Variants in NCAM2 observed in about 807,000 individuals in gnomAD.
The protein encoded by NCAM2 is neural cell adhesion molecule 2.
A neutral mutation model predicts 98.1 loss-of-function variants in NCAM2; 30 were observed. The observed-to-expected ratio is 0.31, with a 90% CI of 0.23 to 0.41. NCAM2 has a LOEUF of 0.41. Among genes scored for constraint, NCAM2 ranks in the 10% least tolerant of loss-of-function variants. The pLI is 1.00. For synonymous variants in NCAM2, 368 were observed against 342.4 expected, an observed-to-expected ratio of 1.07 and a Z score of -0.83; for missense variants, 867 against 1,005.8, an observed-to-expected ratio of 0.86 and a Z score of 1.87.
At chr21:21,395,132 G>A (rs2076474600) in intron 9 of NCAM2, among the ~76,000 whole-genome samples, 2 of 152,090 alleles carry the variant, frequency 1.3e-5, no homozygotes, top group Non-Finnish European at 2.9e-5. Flanking sequence ...AGGAGTTCGA[G>A]ACCAGCCTGG....
At chr21:21,341,846 A>C (rs1358990388) in intron 8 of NCAM2, among the ~76,000 whole-genome samples, 2 of 152,130 alleles carry the variant, frequency 1.3e-5, no homozygotes, top group African/African-American at 2.4e-5. Context: ...TACTCAACAC[A>C]GTCCCAAGTA....
At chr21:21,177,941 A>T (rs1026225151) in intron 1 of NCAM2, among the ~76,000 whole-genome samples, 7 of 152,170 alleles carry the variant, frequency 4.6e-5, no homozygotes, top group Non-Finnish European at 8.8e-5. Flanking sequence ...TAAAATAAAA[A>T]TAGAATATTT....
intron 11 of NCAM2, among the ~76,000 whole-genome samples, chr21:21,428,652 A>C (rs1265791566): frequency 2.0e-5 from 3 of 152,212 alleles, no homozygotes; most frequent in Non-Finnish European, 4.4e-5. Flanking sequence ...AAATAGATAC[A>C]AGAATTATAA....
chr21:21,452,932 TATATA>T (rs1233867816), intron 12 of NCAM2, among the ~76,000 whole-genome samples: 2 of 98,922 alleles, frequency 2.0e-5, no homozygotes, highest in Non-Finnish European at 3.6e-5. Flanking sequence ...TTATATAATA[TATATA>T]ATATAATTTA....
intron 12 of NCAM2, among the ~76,000 whole-genome samples, chr21:21,463,219 A>T (rs1345519532): frequency 6.6e-6 from 1 of 152,076 alleles, no homozygotes; most frequent in Non-Finnish European, 1.5e-5. Context: ...TAATGTATAT[A>T]TCCTCTCATT....
At chr21:21,494,879 C>T (rs1987107123) in intron 15 of NCAM2, among the ~76,000 whole-genome samples, 1 of 138,364 alleles carries the variant, frequency 7.2e-6, no homozygotes, top group Non-Finnish European at 1.6e-5. Flanking sequence ...CACAAAAGAG[C>T]TGTTATGTAT....
rs1175650115 is a variant in NCAM2, at chr21:21,541,101, TATAA to T, written c.*3148_*3151del. 6 of 150,950 alleles carry T rather than the reference TATAA, an allele frequency of 4.0e-5. No homozygotes were observed. The highest frequency in any genetic ancestry group is 7.4e-5 in the Non-Finnish European group (5 of 67,466). 9.4% of individuals were successfully genotyped at this position (150,950 alleles called of 1,614,324 possible). On this transcript the variant is annotated 3_prime_UTR_variant, in exon 18 of 18. Coordinates refer to ENST00000400546, the MANE Select transcript of NCAM2 (RefSeq NM_004540.5). ...TCTTAGTCTTTGAATTAAATATTTA[TATAA>T]ATAGATTTTATTAATCAAATTATTT...
chr21:21,439,906 G>A (rs1978987176), intron 12 of NCAM2, among the ~76,000 whole-genome samples: 1 of 152,150 alleles, frequency 6.6e-6, no homozygotes, highest in Non-Finnish European at 1.5e-5. Flanking sequence ...CATATACTGA[G>A]TCATTGGTTT....
chr21:21,152,788 C>G (rs564995246), intron 1 of NCAM2, among the ~76,000 whole-genome samples: 1 of 151,954 alleles, frequency 6.6e-6, no homozygotes, highest in Non-Finnish European at 1.5e-5. Context: ...TTGTTTCCCT[C>G]TCTAAGATTA....
chr21:21,058,043 C>T (rs1376149572), intron 1 of NCAM2, among the ~76,000 whole-genome samples: 1 of 151,048 alleles, frequency 6.6e-6, no homozygotes, highest in Non-Finnish European at 1.5e-5. Flanking sequence ...CCTTAATCAA[C>T]AGCCATCTGC....
intron 1 of NCAM2, among the ~76,000 whole-genome samples, chr21:21,009,267 G>C (rs1226222242): frequency 6.6e-6 from 1 of 151,984 alleles, no homozygotes; most frequent in African/African-American, 2.4e-5. Context: ...ATGATATGTT[G>C]GCCTGTGTGT....
At chr21:21,278,919 C>A (rs1169674280) in intron 1 of NCAM2, among the ~76,000 whole-genome samples, 2 of 152,058 alleles carry the variant, frequency 1.3e-5, no homozygotes, top group South Asian at 4.1e-4. Context: ...TAGTTGAAAT[C>A]TCATGGGTTT....
At chr21:21,378,438 T>A (rs2076081037) in intron 9 of NCAM2, among the ~76,000 whole-genome samples, 1 of 152,096 alleles carries the variant, frequency 6.6e-6, no homozygotes, top group Non-Finnish European at 1.5e-5. Flanking sequence ...TGCTGAGCAC[T>A]TTTTTAGGTA....
At chr21:21,266,025 A>C (rs960672825) in intron 1 of NCAM2, among the ~76,000 whole-genome samples, 1 of 152,154 alleles carries the variant, frequency 6.6e-6, no homozygotes, top group Non-Finnish European at 1.5e-5. Flanking sequence ...TTTGAAGCCT[A>C]TCTAGAACTC....
intron 1 of NCAM2, among the ~76,000 whole-genome samples, chr21:21,258,416 G>T (rs2147329139): frequency 6.6e-6 from 1 of 152,214 alleles, no homozygotes; most frequent in South Asian, 2.1e-4. Context: ...TGGGAACTAG[G>T]TGGGGTGAAA....
intron 1 of NCAM2, among the ~76,000 whole-genome samples, chr21:21,144,867 A>C (rs1307274547): frequency 1.3e-5 from 2 of 152,176 alleles, no homozygotes; most frequent in Non-Finnish European, 2.9e-5. Context: ...AATGTAGAGA[A>C]ACAAAGGCAT....
At chr21:21,239,604 G>A (rs1378816471) in intron 1 of NCAM2, among the ~76,000 whole-genome samples, 1 of 152,054 alleles carries the variant, frequency 6.6e-6, no homozygotes, top group Non-Finnish European at 1.5e-5. Flanking sequence ...TTTAGATGAT[G>A]TGTTCATGGT....
chr21:21,038,604 A>G (rs1221772493), intron 1 of NCAM2, among the ~76,000 whole-genome samples: 1 of 152,134 alleles, frequency 6.6e-6, no homozygotes, highest in African/African-American at 2.4e-5. Context: ...CCAAGTGAAG[A>G]AGGATGTGTT....
chr21:21,132,500 AT>A (rs1419571569), intron 1 of NCAM2, among the ~76,000 whole-genome samples: 1 of 151,982 alleles, frequency 6.6e-6, no homozygotes, highest in African/African-American at 2.4e-5. Context: ...GTATATCTGC[AT>A]TTTTATTACA....
Sources: gnomAD v4.1 joint callset for allele counts (sites outside exome capture counted in the v4.1 genomes callset) on GRCh38, gnomAD v4.1.1 for gene constraint, MANE v1.5 for transcripts, NCBI Gene and HGNC (gene_info 2026-07-23, HGNC 2026-07-21) for gene names.